The following RBM28 variants were observed in gnomAD, a reference collection of about 807,000 sequenced individuals.
RBM28 encodes RNA-binding protein 28.
RBM28 carries 78 observed loss-of-function variants against 98.3 expected under a neutral mutation model. The observed-to-expected ratio is 0.79, with a 90% CI of 0.66 to 0.96. The LOEUF is 0.96. RBM28 is among the 40% of genes least tolerant of loss of function. The pLI is 0.00. For synonymous variants in RBM28, 306 were observed against 330.9 expected (o/e 0.92, Z 0.82); for missense variants, 838 against 913.0 (o/e 0.92, Z 1.06).
chr7:128,307,034 G>A lies in RBM28; in HGVS notation c.*3763C>T, dbSNP rs1795880661. The A allele has an allele frequency of 6.6e-6, 1 of 152,222 alleles. No individual in the cohort carries two copies. The highest frequency in any genetic ancestry group is 6.5e-5 in the Admixed American group (1 of 15,282). 9.4% of individuals were successfully genotyped at this position (152,222 alleles called of 1,614,324 possible). A position where few individuals can be genotyped will look rare whatever the true frequency, so the allele number is the denominator to read the frequency against. On this transcript the variant is annotated 3_prime_UTR_variant, in exon 19 of 19. Transcript: ENST00000223073. ...AAAGGAAATCTGGAAATCTCGACTT[G>A]GCCTGAGAGAAACCTCATCCTGGCC... is the stretch of plus-strand genomic sequence containing the variant.
rs1408910613 is a variant in RBM28 at position 128,300,172 on chromosome 7, C to T, written c.*10625G>A. ...CCCTGGCAGAGGCTTTGGCACATTT[C>T]ACCCCTCCTCTCTTTGTGATTGGTT... On this transcript the variant is annotated 3_prime_UTR_variant, in exon 19 of 19. Coordinates refer to ENST00000223073, the MANE Select transcript of RBM28 (RefSeq NM_018077.3). The T allele has an allele frequency of 2.0e-5, 3 of 152,260 alleles. No individual in the cohort carries two copies. The highest frequency in any genetic ancestry group is 7.2e-5 in the African/African-American group (3 of 41,448). 9.4% of individuals were successfully genotyped at this position (152,260 alleles called of 1,614,324 possible).
chr7:128,324,768 C>T, intron 11 of RBM28, 74 bp from the exon 12 acceptor site: 1 of 1,601,806 alleles, frequency 6.2e-7, no homozygotes, highest in Non-Finnish European at 8.5e-7. Flanking sequence ...AAACCGAGCA[C>T]TTTGGGAGGC....
chr7:128,319,823 A>G (rs1796182353), intron 14 of RBM28, among the ~76,000 whole-genome samples: 1 of 152,196 alleles, frequency 6.6e-6, no homozygotes, highest in South Asian at 2.1e-4. Context: ...TTATAATTCC[A>G]GCACTGTGGG....
rs542230204 is a variant in RBM28 at position 128,303,096 on chromosome 7, A to C, written c.*7701T>G. The stretch of plus-strand genomic sequence containing the variant: ...TTTAAAACGTTTCAACATTCAAAGA[A>C]TGTGAGAATGAAAATGCCCTTCCTT... On this transcript the variant is annotated 3_prime_UTR_variant, in exon 19 of 19. Coordinates refer to ENST00000223073, the MANE Select transcript of RBM28 (RefSeq NM_018077.3). 6.6e-6 allele frequency: 1 copy of C among 152,342 alleles called. No individual in the cohort carries two copies. Among genetic ancestry groups the C allele is most frequent in the Non-Finnish European group, 1.5e-5 (1 of 68,028 alleles). 9.4% of individuals were successfully genotyped at this position (152,342 alleles called of 1,614,324 possible).
At chr7:128,337,805 G>A (rs951227075) in intron 5 of RBM28, among the ~76,000 whole-genome samples, 11 of 151,984 alleles carry the variant, frequency 7.2e-5, no homozygotes, top group African/African-American at 2.7e-4. Flanking sequence ...TGATCCACCT[G>A]CCTCCTCGGC....
chr7:128,326,573 C>T (rs12706849), intron 10 of RBM28, among the ~76,000 whole-genome samples: 41,602 of 152,042 alleles, frequency 0.27, 6,792 homozygotes, highest in East Asian at 0.59. Context: ...CCTAGGAGCA[C>T]ATATGACCTA....
rs183609697 is a variant in RBM28 at position 128,328,860 on chromosome 7, T to C, written c.1129+1959A>G. 2.6e-4 allele frequency among the ~76,000 whole-genome samples: 40 copies of C among 152,252 alleles called. No individual in the cohort carries two copies. The East Asian group carries it at 7.3e-3, about 28-fold the overall frequency. ...AAACCTGAAGCCAACGGTAGTTAAA[T>C]GATTTGCCAAAAATCACCCAGTCTA... On this transcript the variant is annotated intron_variant, in intron 10 of 18. Coordinates refer to ENST00000223073, the MANE Select transcript of RBM28 (RefSeq NM_018077.3).
chr7:128,317,724 C>G lies in RBM28; in HGVS notation c.1723G>C (p.Val575Leu). ...CTTCGATCTTCTAAAGAGAACTCCACTATTGGTCTCTGTCAGAGGGAGACA... is the reference window on the plus strand; with the variant it reads ...CTTCGATCTTCTAAAGAGAACTCCAGTATTGGTCTCTGTCAGAGGGAGACA... ...EIFGPLKRPIVEFSLEDRRKL... is the reference protein window; with the variant it reads ...EIFGPLKRPILEFSLEDRRKL... The change falls in exon 16 of 19, where the codon GTG becomes CTG. Residue 575 changes from valine (V) to leucine (L), a missense_variant. Coordinates refer to ENST00000223073, the MANE Select transcript of RBM28 (RefSeq NM_018077.3). The G allele has an allele frequency of 6.2e-7, 1 of 1,600,318 alleles. No individual in the cohort carries two copies. Among genetic ancestry groups the G allele is most frequent in the Non-Finnish European group, 8.6e-7 (1 of 1,167,604 alleles).
chr7:128,336,751 G>A (rs1041267443), intron 6 of RBM28, among the ~76,000 whole-genome samples: 2 of 152,150 alleles, frequency 1.3e-5, no homozygotes, highest in Admixed American at 1.3e-4. Flanking sequence ...TGATAAGCAG[G>A]TTCTCTTACA....
intron 8 of RBM28, 65 bp downstream of exon 8, chr7:128,335,478 G>A: frequency 6.3e-7 from 1 of 1,586,180 alleles, no homozygotes; most frequent in Middle Eastern, 1.7e-4. Context: ...CAGAACTGAT[G>A]CTCATTTCCG....
At position 128,337,197 on chromosome 7, in the gene RBM28, T is replaced by G; in HGVS notation, c.547A>C (p.Thr183Pro). 6.2e-7 allele frequency: 1 copy of G among 1,614,132 alleles called. No homozygotes were observed. The highest frequency in any genetic ancestry group is 8.5e-7 in the Non-Finnish European group (1 of 1,179,994). Residue 183 changes from threonine (T) to proline (P), a missense_variant, in exon 6 of 19, where the codon ACA becomes CCA. By Grantham distance (38) the Thr-to-Pro change is conservative. Transcript: ENST00000223073. ...GMNMKEIKGR[T>P]VAVDWAVAKD... ...GCCACGGCCCAATCCACAGCCACTG[T>G]CCGGCCTGTCAAGCAGAAAAGTGGC... is the stretch of plus-strand genomic sequence containing the variant.
Position 128,301,697 on chromosome 7 carries a change from G to A in RBM28, c.*9100C>T, listed in dbSNP as rs1490064656. ...CTCAAACCCCAGAGGCTCTGTGGCA[G>A]GCACCTGGGAGCCCACTTGGCGGGC... On this transcript the variant is annotated 3_prime_UTR_variant, in exon 19 of 19. Transcript: ENST00000223073. 6.6e-6 allele frequency: 1 copy of A among 152,464 alleles called. No homozygotes were observed. Among genetic ancestry groups the A allele is most frequent in the Non-Finnish European group, 1.5e-5 (1 of 68,236 alleles). The allele number at this position is 152,464 out of a possible 1,614,324, so 9.4% of individuals were successfully genotyped here.
chr7:128,322,132 C>T (rs947770666), intron 13 of RBM28, among the ~76,000 whole-genome samples: 3 of 152,008 alleles, frequency 2.0e-5, no homozygotes, highest in Non-Finnish European at 4.4e-5. Flanking sequence ...GCCCAGTCCT[C>T]ATCTACCCAC....
At chr7:128,313,116 C>G in intron 18 of RBM28, 59 bp downstream of exon 18, 3 of 1,534,512 alleles carry the variant, frequency 2.0e-6, no homozygotes, top group Non-Finnish European at 1.8e-6. Context: ...AAGGTACAAA[C>G]ATGGCTACGA....
rs143664352 is a variant in RBM28, at chr7:128,310,899, C to T, written c.2178G>A (p.Thr726=). The T allele has an allele frequency of 6.2e-4, 1,008 of 1,613,556 alleles. 1 individual carries two copies. Among genetic ancestry groups the T allele is most frequent in the Non-Finnish European group, 6.7e-4 (793 of 1,179,640 alleles). The change falls in exon 19 of 19, where the codon ACG becomes ACA. Residue 726 remains threonine (T), a synonymous_variant. Transcript: ENST00000223073. Reference sequence around the variant, plus strand: ...CGACCAGCTGGTTGAAGCGGGTTTCCGTCTTATTTCCCTTAGCTTTTTTCC... The same window carrying T: ...CGACCAGCTGGTTGAAGCGGGTTTCTGTCTTATTTCCCTTAGCTTTTTTCC... ...VSRKKAKGNK[T]ETRFNQLVEQ... is the part of the protein sequence containing the mutation.
rs929104191 is a variant in RBM28 at position 128,305,318 on chromosome 7, T to C, written c.*5479A>G. The C allele has an allele frequency of 2.0e-5, 3 of 152,206 alleles. No homozygotes were observed. Among genetic ancestry groups the C allele is most frequent in the Non-Finnish European group, 4.4e-5 (3 of 68,052 alleles). 9.4% of individuals were successfully genotyped at this position (152,206 alleles called of 1,614,324 possible). A position where few individuals can be genotyped will look rare whatever the true frequency, so the allele number is the denominator to read the frequency against. The stretch of plus-strand genomic sequence containing the variant: ...CCAGAATACAAGATAGCATTTTTTC[T>C]GCAGTAGTATCCAAAGCAAAAATTT... On this transcript the variant is annotated 3_prime_UTR_variant, in exon 19 of 19. Coordinates refer to ENST00000223073, the MANE Select transcript of RBM28 (RefSeq NM_018077.3).
Position 128,308,349 on chromosome 7 carries a change from G to GTTTCTTTTGCTGTGCAGAAGCTTTTTAGT in RBM28, c.*2447_*2448insACTAAAAAGCTTCTGCACAGCAAAAGAAA, listed in dbSNP as rs1289798912. The GTTTCTTTTGCTGTGCAGAAGCTTTTTAGT allele has an allele frequency of 5.9e-5, 9 of 152,190 alleles. No homozygotes were observed. The highest frequency in any genetic ancestry group is 2.0e-4 in the Admixed American group (3 of 15,282). 9.4% of individuals were successfully genotyped at this position (152,190 alleles called of 1,614,324 possible). ...TAAGTGTTAAGATATATTTTTGAAT[G>GTTTCTTTTGCTGTGCAGAAGCTTTTTAGT]TTAAAGATATTCGTGTACTAGGGAA... On this transcript the variant is annotated 3_prime_UTR_variant, in exon 19 of 19. Coordinates refer to ENST00000223073, the MANE Select transcript of RBM28 (RefSeq NM_018077.3).
intron 4 of RBM28, 128 bp downstream of exon 4, chr7:128,338,598 A>G: frequency 2.5e-6 from 2 of 802,300 alleles, no homozygotes; most frequent in Non-Finnish European, 2.1e-6. Flanking sequence ...TCAGGGGAAT[A>G]AAACCATTAT....
At chr7:128,325,254 TTTA>T (rs1416553265) in intron 11 of RBM28, among the ~76,000 whole-genome samples, 2 of 152,204 alleles carry the variant, frequency 1.3e-5, no homozygotes. Context: ...CAGTAAAGAA[TTTA>T]TTTTCTGGGA....
Sources: gnomAD v4.1 joint callset for allele counts (sites outside exome capture counted in the v4.1 genomes callset) on GRCh38, gnomAD v4.1.1 for gene constraint, MANE v1.5 for transcripts, NCBI Gene and HGNC (gene_info 2026-07-23, HGNC 2026-07-21) for gene names.